The following CREM variants were observed in gnomAD, a reference collection of about 807,000 sequenced individuals.
CREM encodes the protein cAMP responsive element modulator.
In CREM, 13 loss-of-function variants were observed where a neutral mutation model predicts 37.3. The ratio of observed to expected loss-of-function variants is 0.35; its 90% CI spans 0.23 to 0.55. The LOEUF (loss-of-function observed/expected upper bound fraction) is 0.55, where lower values mean the gene tolerates loss of function less well. Among genes scored for constraint, CREM ranks in the 20% least tolerant of loss-of-function variants. CREM has a pLI of 0.88. For synonymous variants in CREM, 124 were observed against 120.2 expected (o/e 1.03, Z -0.21); for missense variants, 296 against 362.3 (o/e 0.82, Z 1.49).
At chr10:35,150,198 C>CT (rs939712312) in intron 3 of CREM, among the ~76,000 whole-genome samples, 10 of 148,338 alleles carry the variant, frequency 6.7e-5, no homozygotes, top group East Asian at 2.0e-4. Context: ...AAAGCACTTT[C>CT]TTTTTTTTTT....
In CREM at chr10:35,178,964, C is replaced by G. The variant is rs1589995575; in HGVS notation, c.244C>G (p.Leu82Val). 6.2e-7 allele frequency: 1 copy of G among 1,611,572 alleles called. No homozygotes were observed. The highest frequency in any genetic ancestry group is 8.5e-7 in the Non-Finnish European group (1 of 1,179,170). ...VIDSHKRREI[L>V]SRRPSYRKIL... is the part of the protein sequence containing the mutation. ...TGATTCTCATAAACGTAGAGAAATC[C>G]TTTCACGAAGACCCTCTTATAGGTA... The change falls in exon 4 of 8, where the codon CTT (leucine) becomes GTT (valine). Residue 82 changes from leucine to valine, a missense_variant. Transcript: ENST00000685392.
chr10:35,188,566 T>C lies in CREM; in HGVS notation c.598+178T>C, dbSNP rs1040243614. 8.1e-6 allele frequency: 4 copies of C among 494,296 alleles called. No individual in the cohort carries two copies. In the Admixed American group the frequency reaches 1.3e-4, roughly 16 times the overall value. The allele number at this position is 494,296 out of a possible 1,614,324, so 30.6% of individuals were successfully genotyped here. A position where few individuals can be genotyped will look rare whatever the true frequency, so the allele number is the denominator to read the frequency against. On this transcript the variant is annotated intron_variant, in intron 6 of 7. Coordinates refer to ENST00000685392, the MANE Select transcript of CREM (RefSeq NM_183011.2). Reference sequence around the variant, plus strand: ...ACATTAAACAGCAAATTAAGTTTTATCATTTTTCGCCTTTTAGCAGGTTTT... The same window carrying C: ...ACATTAAACAGCAAATTAAGTTTTACCATTTTTCGCCTTTTAGCAGGTTTT...
Position 35,166,564 on chromosome 10 carries a change from CA to C in CREM, c.169-12310del, listed in dbSNP as rs34348266. Among the ~76,000 whole-genome samples, 534 of 131,736 alleles carry C rather than the reference CA, an allele frequency of 4.1e-3. 1 individual carries two copies. The highest frequency in any genetic ancestry group is 8.1e-3 in the Middle Eastern group (2 of 246). The allele number at this position is 131,736 out of a possible 152,430, so 86.4% of individuals were successfully genotyped here. On this transcript the variant is annotated intron_variant, in intron 3 of 7. Coordinates refer to ENST00000685392, the MANE Select transcript of CREM (RefSeq NM_183011.2). The stretch of plus-strand genomic sequence containing the variant: ...TGGGCGACAGAACAAGAGTCTGTAT[CA>C]AAAAAAAAAAAAAATTACCAGGGTG...
intron 3 of CREM, chr10:35,175,906 G>T (rs1254531392): frequency 6.4e-7 from 1 of 1,554,684 alleles, no homozygotes; most frequent in East Asian, 2.4e-5. Flanking sequence ...TAACTCTAGT[G>T]CAGTTACCTT....
intron 3 of CREM, chr10:35,154,324 C>A: frequency 2.7e-6 from 1 of 365,536 alleles, no homozygotes; most frequent in South Asian, 1.5e-4. Flanking sequence ...AAATAGAAGA[C>A]CTCAAGCAAC....
chr10:35,187,183 ATAAATATAT>A (rs1174491501), intron 5 of CREM, among the ~76,000 whole-genome samples: 240 of 70,690 alleles, frequency 3.4e-3, no homozygotes, highest in Non-Finnish European at 5.3e-3. Context: ...ATATTAATAT[ATAAATATAT>A]TAATATATAA....
chr10:35,133,529 C>T (rs2089841471), intron 1 of CREM, among the ~76,000 whole-genome samples: 1 of 152,098 alleles, frequency 6.6e-6, no homozygotes, highest in Non-Finnish European at 1.5e-5. Flanking sequence ...GAACTCCTGA[C>T]CTCATGTAAT....
intron 3 of CREM, among the ~76,000 whole-genome samples, chr10:35,176,729 G>A (rs2094110190): frequency 6.6e-6 from 1 of 152,038 alleles, no homozygotes; most frequent in African/African-American, 2.4e-5. Flanking sequence ...CTGTTTTCAT[G>A]AATAATCACC....
At chr10:35,189,118 C>T (rs941514281) in intron 6 of CREM, among the ~76,000 whole-genome samples, 2 of 151,906 alleles carry the variant, frequency 1.3e-5, no homozygotes, top group African/African-American at 4.8e-5. Context: ...CTAGCTGTTA[C>T]TTTCAAGTCT....
intron 3 of CREM, among the ~76,000 whole-genome samples, chr10:35,159,310 A>G (rs777609853): frequency 6.6e-6 from 1 of 152,168 alleles, no homozygotes; most frequent in Non-Finnish European, 1.5e-5. Context: ...GCATCACACT[A>G]CCTGACTTCA....
At position 35,195,157 on chromosome 10, in the gene CREM, G is replaced by C. The variant is rs755808376; in HGVS notation, c.598+6769G>C. On this transcript the variant is annotated intron_variant, in intron 6 of 7. Transcript: ENST00000685392. ...CACTTTATGTTGAACTGTGGTAGAGGAAACAAGACAGTTCTGTCTGCAGAA... is the reference window on the plus strand; with the variant it reads ...CACTTTATGTTGAACTGTGGTAGAGCAAACAAGACAGTTCTGTCTGCAGAA... 24 of 1,612,442 alleles carry C rather than the reference G, an allele frequency of 1.5e-5. 1 individual carries two copies. The South Asian group carries it at 2.6e-4, about 18-fold the overall frequency.
chr10:35,211,132 C>A, intron 7 of CREM, 122 bp from the exon 8 acceptor site: 1 of 981,972 alleles, frequency 1.0e-6, no homozygotes, highest in Non-Finnish European at 1.5e-6. Context: ...TGTTATGTGG[C>A]TTTGTACAGT....
intron 5 of CREM, among the ~76,000 whole-genome samples, chr10:35,187,576 A>T (rs984027303): frequency 4.6e-5 from 7 of 152,104 alleles, no homozygotes; most frequent in African/African-American, 1.7e-4. Flanking sequence ...TTTCTTAAAA[A>T]CTACTTTCTT....
chr10:35,159,994 GTGT>G (rs2093186614), intron 3 of CREM, among the ~76,000 whole-genome samples: 2 of 152,164 alleles, frequency 1.3e-5, no homozygotes, highest in South Asian at 4.1e-4. Context: ...TTTGAGAAAT[GTGT>G]TGTTAGGCAA....
In CREM at chr10:35,212,461, C is replaced by T. The variant is rs1245503061; in HGVS notation, c.*1063C>T. 2 of 152,736 alleles carry T rather than the reference C, an allele frequency of 1.3e-5. No homozygotes were observed. The highest frequency in any genetic ancestry group is 4.8e-5 in the African/African-American group (2 of 41,448). 9.5% of individuals were successfully genotyped at this position (152,736 alleles called of 1,614,324 possible). On this transcript the variant is annotated 3_prime_UTR_variant, in exon 8 of 8. Transcript: ENST00000685392. ...CTACTGTGTAATATAAAAGATCTTG[C>T]AGAAGTTCTTAGTGTTGGTTTAATA...
At chr10:35,193,563 G>A (rs2095009730) in intron 6 of CREM, among the ~76,000 whole-genome samples, 2 of 152,170 alleles carry the variant, frequency 1.3e-5, no homozygotes, top group Admixed American at 1.3e-4. Context: ...TGAGGTTGAT[G>A]TCTAGGTGAC....
intron 3 of CREM, among the ~76,000 whole-genome samples, chr10:35,165,610 C>T (rs2093512509): frequency 6.6e-6 from 1 of 151,932 alleles, no homozygotes; most frequent in Non-Finnish European, 1.5e-5. Flanking sequence ...CAGTTTCAGT[C>T]TTACTGAAAC....
intron 5 of CREM, among the ~76,000 whole-genome samples, chr10:35,183,133 A>T (rs915531045): frequency 1.3e-5 from 2 of 152,026 alleles, no homozygotes; most frequent in African/African-American, 2.4e-5. Context: ...TTTTTTTCCC[A>T]CAAATGGCCC....
chr10:35,196,091 A>C (rs774763031), intron 6 of CREM: 2 of 1,614,074 alleles, frequency 1.2e-6, no homozygotes, highest in African/African-American at 2.7e-5. Flanking sequence ...TTGTCTGGCC[A>C]GCTTAGTGGT....
Sources: gnomAD v4.1 joint callset for allele counts (sites outside exome capture counted in the v4.1 genomes callset) on GRCh38, gnomAD v4.1.1 for gene constraint, MANE v1.5 for transcripts, NCBI Gene and HGNC (gene_info 2026-07-23, HGNC 2026-07-21) for gene names.